The following TMEM182 variants were observed in gnomAD, a reference collection of about 807,000 sequenced individuals.
TMEM182 encodes the protein transmembrane protein 182.
TMEM182 carries 20 observed loss-of-function variants against 26.8 expected under a neutral mutation model. That is an observed-to-expected ratio of 0.75 (90% confidence interval 0.53 to 1.09). TMEM182 has a LOEUF of 1.09. TMEM182 is among the 50% of genes least tolerant of loss of function. The pLI, the probability that TMEM182 is intolerant of heterozygous loss-of-function variation, is 0.00. For missense variants in TMEM182, 277 were observed against 275.5 expected (o/e 1.01, Z -0.04); for synonymous variants, 109 against 102.2 (o/e 1.07, Z -0.40).
chr2:102,830,443 A>G (rs987761776), intron 3 of TMEM182, among the ~76,000 whole-genome samples: 4 of 152,218 alleles, frequency 2.6e-5, no homozygotes, highest in African/African-American at 9.6e-5. Context: ...TTGTGGGCTA[A>G]CATGGGAAGT....
intron 3 of TMEM182, among the ~76,000 whole-genome samples, chr2:102,796,342 G>A (rs1303002251): frequency 6.6e-6 from 1 of 152,116 alleles, no homozygotes; most frequent in East Asian, 1.9e-4. Flanking sequence ...CCTAGTTTTA[G>A]TTGTGATCAG....
At chr2:102,780,049 A>ATT (rs779455881) in intron 3 of TMEM182, among the ~76,000 whole-genome samples, 25 of 140,240 alleles carry the variant, frequency 1.8e-4, no homozygotes, top group Admixed American at 3.5e-4. Context: ...GCCATTGAAG[A>ATT]TTTTTTTTTT....
chr2:102,834,720 C>T (rs1683210154), intron 3 of TMEM182, among the ~76,000 whole-genome samples: 1 of 152,160 alleles, frequency 6.6e-6, no homozygotes, highest in African/African-American at 2.4e-5. Flanking sequence ...GGAAAACAGG[C>T]TCAGGGCTCC....
chr2:102,784,912 A>G (rs540585559), intron 3 of TMEM182, among the ~76,000 whole-genome samples: 109 of 152,130 alleles, frequency 7.2e-4, no homozygotes, highest in South Asian at 1.2e-3. Flanking sequence ...CAAGGTCTTT[A>G]TGACTTGTAT....
chr2:102,829,623 A>T (rs1308407410), intron 3 of TMEM182, among the ~76,000 whole-genome samples: 1 of 152,176 alleles, frequency 6.6e-6, no homozygotes, highest in East Asian at 1.9e-4. Context: ...GACCATGAGA[A>T]AGTATAGGAG....
intron 1 of TMEM182, among the ~76,000 whole-genome samples, chr2:102,755,137 C>G (rs1679993886): frequency 1.3e-5 from 2 of 152,064 alleles, no homozygotes; most frequent in Non-Finnish European, 2.9e-5. Context: ...CTGGAAGAAT[C>G]TCCAAATGAA....
intron 3 of TMEM182, among the ~76,000 whole-genome samples, chr2:102,780,362 G>T (rs544995491): frequency 1.1e-4 from 16 of 152,194 alleles, no homozygotes; most frequent in Middle Eastern, 3.4e-3. Flanking sequence ...GGTAGAGAGA[G>T]GCTCCCTGTT....
At chr2:102,743,849 A>G (rs1314385486) in intron 1 of TMEM182, among the ~76,000 whole-genome samples, 1 of 152,230 alleles carries the variant, frequency 6.6e-6, no homozygotes, top group Non-Finnish European at 1.5e-5. Context: ...CAAAACAAAA[A>G]AAGAATAATG....
chr2:102,812,497 G>A (rs1682592141), intron 4 of TMEM182, among the ~76,000 whole-genome samples: 1 of 151,946 alleles, frequency 6.6e-6, no homozygotes, highest in South Asian at 2.1e-4. Context: ...TCTTCAATTA[G>A]TGAACAAGTT....
intron 3 of TMEM182, among the ~76,000 whole-genome samples, chr2:102,791,765 A>C (rs1240248293): frequency 2.0e-5 from 3 of 152,286 alleles, no homozygotes; most frequent in African/African-American, 7.2e-5. Context: ...AATATTATTT[A>C]AGTTAAACAT....
chr2:102,766,611 T>G (rs996575834), intron 3 of TMEM182, among the ~76,000 whole-genome samples: 7 of 152,188 alleles, frequency 4.6e-5, no homozygotes, highest in African/African-American at 7.2e-5. Context: ...GAGAAAGGTA[T>G]AGATTTCATT....
Position 102,781,728 on chromosome 2 carries a change from C to T in TMEM182, c.332-16135C>T, listed in dbSNP as rs1038634875. 5.3e-5 allele frequency among the ~76,000 whole-genome samples: 8 copies of T among 152,008 alleles called. 1 individual carries two copies. In the South Asian group the frequency reaches 1.0e-3, roughly 20 times the overall value. ...TGCTGAGAAGTAGAGGAAGGCGCAACCGAAATCTAATCCTTGGATTTAGTA... is the reference window on the plus strand; with the variant it reads ...TGCTGAGAAGTAGAGGAAGGCGCAATCGAAATCTAATCCTTGGATTTAGTA... On this transcript the variant is annotated intron_variant, in intron 3 of 4. Coordinates refer to ENST00000412401, the MANE Select transcript of TMEM182 (RefSeq NM_144632.5).
chr2:102,793,278 T>G (rs1681726661), intron 3 of TMEM182, among the ~76,000 whole-genome samples: 1 of 152,192 alleles, frequency 6.6e-6, no homozygotes, highest in Non-Finnish European at 1.5e-5. Flanking sequence ...TGTTTTAGGT[T>G]TGTAGGAGTA....
At chr2:102,776,615 A>G (rs541111853) in intron 3 of TMEM182, among the ~76,000 whole-genome samples, 6 of 152,308 alleles carry the variant, frequency 3.9e-5, no homozygotes, top group Admixed American at 3.3e-4. Context: ...TAAAGCCTCT[A>G]TAAACATTTG....
Position 102,814,793 on chromosome 2 carries a change from A to G in TMEM182, c.515A>G (p.Gln172Arg). The change falls in exon 5 of 5, where the codon CAG (glutamine) becomes CGG (arginine). Residue 172 changes from glutamine to arginine, a missense_variant. Coordinates refer to ENST00000412401, the MANE Select transcript of TMEM182 (RefSeq NM_144632.5). ...LVVMLYVIWV[Q>R]AVADMESYRN... ...GTGATGCTGTATGTCATCTGGGTCCAGGCAGTGGCTGACATGGAAAGCTAC... is the reference window on the plus strand; with the variant it reads ...GTGATGCTGTATGTCATCTGGGTCCGGGCAGTGGCTGACATGGAAAGCTAC... 6.2e-7 allele frequency: 1 copy of G among 1,613,866 alleles called. No individual in the cohort carries two copies. Among genetic ancestry groups the G allele is most frequent in the Non-Finnish European group, 8.5e-7 (1 of 1,179,932 alleles).
In TMEM182 at chr2:102,816,853, T is replaced by A. The variant is rs1682773737; in HGVS notation, c.*1885T>A. On this transcript the variant is annotated 3_prime_UTR_variant, in exon 5 of 5. Transcript: ENST00000412401. ...TGGAGCCTTTTTCTGGTGTACTGTATGCCATTTAAGTTTCACATACAAGCT... is the reference window on the plus strand; with the variant it reads ...TGGAGCCTTTTTCTGGTGTACTGTAAGCCATTTAAGTTTCACATACAAGCT... 7 of 985,772 alleles carry A rather than the reference T, an allele frequency of 7.1e-6. No homozygotes were observed. Among genetic ancestry groups the A allele is most frequent in the Non-Finnish European group, 7.2e-6 (6 of 829,940 alleles). The allele number at this position is 985,772 out of a possible 1,614,324, so 61.1% of individuals were successfully genotyped here.
intron 4 of TMEM182, among the ~76,000 whole-genome samples, chr2:102,812,809 T>A (rs1384815839): frequency 1.3e-5 from 2 of 152,210 alleles, no homozygotes; most frequent in African/African-American, 4.8e-5. Context: ...TAATACAAAG[T>A]TTTGCAAGGT....
intron 3 of TMEM182, among the ~76,000 whole-genome samples, chr2:102,837,123 C>A (rs1402099251): frequency 6.6e-6 from 1 of 152,172 alleles, no homozygotes; most frequent in Admixed American, 6.5e-5. Context: ...TTCTCTGATA[C>A]CCTGTGGTGT....
chr2:102,825,703 T>C (rs921447760), intron 3 of TMEM182, among the ~76,000 whole-genome samples: 3 of 152,246 alleles, frequency 2.0e-5, no homozygotes, highest in Non-Finnish European at 4.4e-5. Context: ...AAATTGCCAC[T>C]GAATGAAAGT....
Sources: gnomAD v4.1 joint callset for allele counts (sites outside exome capture counted in the v4.1 genomes callset) on GRCh38, gnomAD v4.1.1 for gene constraint, MANE v1.5 for transcripts, NCBI Gene and HGNC (gene_info 2026-07-23, HGNC 2026-07-21) for gene names.